LMCD1: variants seen among roughly 807,000 people sequenced by gnomAD.
LMCD1 encodes LIM and cysteine-rich domains protein 1.
LMCD1 carries 32 observed loss-of-function variants against 42.7 expected under a neutral mutation model. That is an observed-to-expected ratio of 0.75 (90% CI 0.57 to 1.01). The LOEUF (loss-of-function observed/expected upper bound fraction) is 1.01, where lower values mean the gene tolerates loss of function less well. LMCD1 is among the 50% of genes least tolerant of loss of function. The pLI is 0.00. For missense variants in LMCD1, 458 were observed against 483.1 expected (o/e 0.95, Z 0.49); for synonymous variants, 178 against 184.9 (o/e 0.96, Z 0.30).
intron 1 of LMCD1, among the ~76,000 whole-genome samples, chr3:8,524,300 C>T (rs921993864): frequency 1.3e-5 from 2 of 151,812 alleles, no homozygotes; most frequent in Non-Finnish European, 2.9e-5. Flanking sequence ...AATCCTCAGT[C>T]GAAGCTTCCA....
intron 4 of LMCD1, among the ~76,000 whole-genome samples, chr3:8,562,640 C>CAG (rs144824826): frequency 6.6e-6 from 1 of 152,224 alleles, no homozygotes; most frequent in Non-Finnish European, 1.5e-5. Context: ...CCTCATCCCT[C>CAG]AGAGAGGCCT....
chr3:8,503,795 A>T (rs901963252), intron 1 of LMCD1, among the ~76,000 whole-genome samples: 5 of 152,228 alleles, frequency 3.3e-5, no homozygotes, highest in Non-Finnish European at 7.3e-5. Context: ...AAGGTGGCAG[A>T]GTTCCATTGT....
rs1442999812 is a variant in LMCD1, at chr3:8,537,376, G to A, written c.323G>A (p.Gly108Glu). The A allele has an allele frequency of 6.2e-7, 1 of 1,611,640 alleles. No individual in the cohort carries two copies. Residue 108 changes from glycine to glutamate, a missense_variant, in exon 3 of 6, where the codon GGG becomes GAG. Gly to Glu is a moderately conservative substitution (Grantham distance 98). Coordinates refer to ENST00000157600, the MANE Select transcript of LMCD1 (RefSeq NM_014583.4). ...ATCATGACCAACCCTATTGCTACTG[G>A]GAAAGATCCCACTTTTGACACCATC... ...RMIMTNPIAT[G>E]KDPTFDTITY...
Position 8,527,711 on chromosome 3 carries a change from C to T in LMCD1, c.43-5026C>T, listed in dbSNP as rs56886252. Among the ~76,000 whole-genome samples the T allele has an allele frequency of 6.0e-3, 920 of 152,260 alleles. 11 individuals carry two copies. The highest frequency in any genetic ancestry group is 0.021 in the African/African-American group (855 of 41,556). ...AATAGAATTTTGTGTCAATTTGGAA[C>T]GCACCACCTCAGAAAGGAAACCTGT... On this transcript the variant is annotated intron_variant, in intron 1 of 5. Coordinates refer to ENST00000157600, the MANE Select transcript of LMCD1 (RefSeq NM_014583.4).
chr3:8,521,786 A>AGACAGTGCT (rs1694210019), intron 1 of LMCD1, among the ~76,000 whole-genome samples: 1 of 152,166 alleles, frequency 6.6e-6, no homozygotes, highest in Admixed American at 6.5e-5. Context: ...GATGATAGGT[A>AGACAGTGCT]GACAGTGCTG....
At chr3:8,504,122 T>A (rs574481242) in intron 1 of LMCD1, among the ~76,000 whole-genome samples, 2 of 152,140 alleles carry the variant, frequency 1.3e-5, no homozygotes, top group African/African-American at 4.8e-5. Context: ...ATTTTTTTTA[T>A]CTCTTGGGAC....
At chr3:8,530,743 G>A (rs187507013) in intron 1 of LMCD1, among the ~76,000 whole-genome samples, 82 of 152,348 alleles carry the variant, frequency 5.4e-4, no homozygotes, top group African/African-American at 1.9e-3. Context: ...AGAACTGAAG[G>A]TGTCAAGGGG....
chr3:8,543,686 T>G (rs1485713982), intron 3 of LMCD1, among the ~76,000 whole-genome samples: 1 of 152,138 alleles, frequency 6.6e-6, no homozygotes, highest in Non-Finnish European at 1.5e-5. Flanking sequence ...TCTCTCTGTT[T>G]CCCAGGTTGG....
intron 4 of LMCD1, among the ~76,000 whole-genome samples, chr3:8,564,535 G>A (rs770081681): frequency 1.3e-5 from 2 of 152,086 alleles, no homozygotes; most frequent in East Asian, 3.8e-4. Context: ...AGTTCCCAAC[G>A]TGCTAGAATT....
At chr3:8,520,800 C>T (rs1396613320) in intron 1 of LMCD1, among the ~76,000 whole-genome samples, 2 of 152,180 alleles carry the variant, frequency 1.3e-5, no homozygotes, top group Non-Finnish European at 2.9e-5. Context: ...AAACAATGCC[C>T]ACCCTTTGGG....
chr3:8,506,824 A>G (rs1693890721), intron 1 of LMCD1, among the ~76,000 whole-genome samples: 3 of 152,228 alleles, frequency 2.0e-5, no homozygotes, highest in African/African-American at 7.2e-5. Flanking sequence ...TTTCCTAGGA[A>G]GTGGCAGAAT....
chr3:8,561,737 AAAAATAACTCT>A (rs1256846352), intron 4 of LMCD1, among the ~76,000 whole-genome samples: 3 of 152,366 alleles, frequency 2.0e-5, no homozygotes, highest in African/African-American at 7.2e-5. Context: ...TTCCGAATAG[AAAAATAACTCT>A]AGAAGGAGAA....
chr3:8,574,196 T>C lies in LMCD1; in HGVS notation c.*6598T>C, dbSNP rs1298239305. 6.6e-6 allele frequency: 1 copy of C among 152,210 alleles called. No homozygotes were observed. The highest frequency in any genetic ancestry group is 1.5e-5 in the Non-Finnish European group (1 of 68,044). The allele number at this position is 152,210 out of a possible 1,614,324, so 9.4% of individuals were successfully genotyped here. A position where few individuals can be genotyped will look rare whatever the true frequency, so the allele number is the denominator to read the frequency against. On this transcript the variant is annotated 3_prime_UTR_variant, in exon 6 of 6. Coordinates refer to ENST00000157600, the MANE Select transcript of LMCD1 (RefSeq NM_014583.4). The stretch of plus-strand genomic sequence containing the variant: ...TTTCTGGAGCTTCCCAGGGGTAACT[T>C]TGATCAGCCAACAAGGGTCAGTCCT...
chr3:8,545,818 T>TGG (rs933294003), intron 3 of LMCD1, among the ~76,000 whole-genome samples: 2 of 152,150 alleles, frequency 1.3e-5, no homozygotes, highest in African/African-American at 2.4e-5. Context: ...ATCAGAGATT[T>TGG]GAAAAGAGAA....
At chr3:8,565,244 C>G (rs762940463) in intron 4 of LMCD1, among the ~76,000 whole-genome samples, 188 bp from the exon 5 acceptor site, 5 of 152,106 alleles carry the variant, frequency 3.3e-5, no homozygotes, top group Non-Finnish European at 7.4e-5. Flanking sequence ...ATTTAGTCCT[C>G]GTGAATAGCC....
intron 2 of LMCD1, 107 bp from the exon 3 acceptor site, chr3:8,537,078 A>G: frequency 7.6e-7 from 1 of 1,319,414 alleles, no homozygotes; most frequent in South Asian, 1.5e-5. Context: ...TAGTTTTTCC[A>G]ACTTAAAGTT....
chr3:8,561,797 C>A (rs1876611), intron 4 of LMCD1, among the ~76,000 whole-genome samples: 52,092 of 151,982 alleles, frequency 0.34, 9,984 homozygotes, highest in African/African-American at 0.5. Flanking sequence ...AATAGTAATG[C>A]GAGCAAAGTC....
At chr3:8,529,127 A>G (rs1694355800) in intron 1 of LMCD1, among the ~76,000 whole-genome samples, 1 of 152,186 alleles carries the variant, frequency 6.6e-6, no homozygotes, top group African/African-American at 2.4e-5. Context: ...CCTACTGTTT[A>G]TAAACCAGAG....
rs192153456 is a variant in LMCD1 at position 8,526,613 on chromosome 3, G to A, written c.43-6124G>A. Among the ~76,000 whole-genome samples the A allele has an allele frequency of 3.3e-5, 5 of 152,240 alleles. No homozygotes were observed. The East Asian group carries it at 9.6e-4, about 29-fold the overall frequency. ...GGAGGTCTTGAACAGCGATGTCTGG[G>A]CCCCACCTGCAGAATGTTTGATTTC... On this transcript the variant is annotated intron_variant, in intron 1 of 5. Transcript: ENST00000157600.
Sources: allele counts gnomAD v4.1 joint callset (sites outside exome capture counted in the v4.1 genomes callset), GRCh38; gene constraint gnomAD v4.1.1; transcripts MANE v1.5; gene names NCBI Gene and HGNC (gene_info 2026-07-23, HGNC 2026-07-21).